The following MARCHF1 variants were observed in gnomAD, a reference collection of about 807,000 sequenced individuals.
MARCHF1 encodes the protein E3 ubiquitin-protein ligase MARCHF1.
A neutral mutation model predicts 54.2 loss-of-function variants in MARCHF1; 40 were observed. That is an observed-to-expected ratio of 0.74 (90% CI 0.57 to 0.96). The LOEUF is 0.96. MARCHF1 is among the 40% of genes least tolerant of loss of function. The pLI, the probability that MARCHF1 is intolerant of heterozygous loss-of-function variation, is 0.00. For missense variants in MARCHF1, 586 were observed against 656.5 expected (o/e 0.89, Z 1.17); for synonymous variants, 236 against 236.3 (o/e 1.00, Z 0.01).
chr4:163,650,497 A>C (rs183422492), intron 5 of MARCHF1, among the ~76,000 whole-genome samples: 13 of 151,992 alleles, frequency 8.6e-5, no homozygotes, highest in South Asian at 6.2e-4. Context: ...CTGTAAAATA[A>C]AGATAATACT....
At chr4:163,666,754 T>C (rs890405033) in intron 5 of MARCHF1, among the ~76,000 whole-genome samples, 3 of 152,138 alleles carry the variant, frequency 2.0e-5, no homozygotes, top group Non-Finnish European at 4.4e-5. Context: ...GGTTCTGCTT[T>C]ATACTTCCTG....
intron 2 of MARCHF1, among the ~76,000 whole-genome samples, chr4:164,029,086 CGCTT>C (rs1273726147): frequency 6.6e-6 from 1 of 152,122 alleles, no homozygotes; most frequent in Admixed American, 6.6e-5. Context: ...AGAAATATCA[CGCTT>C]GCAAATTCCA....
intron 5 of MARCHF1, among the ~76,000 whole-genome samples, chr4:163,634,526 G>C (rs372150606): frequency 2.0e-4 from 30 of 151,188 alleles, no homozygotes; most frequent in Middle Eastern, 3.4e-3. Context: ...GTAAAGGGAT[G>C]AATTCAACAA....
intron 1 of MARCHF1, among the ~76,000 whole-genome samples, chr4:164,257,223 T>C (rs1325254353): frequency 6.6e-6 from 1 of 152,164 alleles, no homozygotes; most frequent in African/African-American, 2.4e-5. Context: ...AAGGTGCCTA[T>C]TCAGAATGTA....
intron 1 of MARCHF1, among the ~76,000 whole-genome samples, chr4:164,382,300 A>C (rs762671152): frequency 1.2e-4 from 19 of 152,196 alleles, no homozygotes; most frequent in Non-Finnish European, 2.5e-4. Flanking sequence ...GCTTCATTAG[A>C]ATCATCTATC....
chr4:163,656,982 T>C (rs1442044108), intron 5 of MARCHF1, among the ~76,000 whole-genome samples: 6 of 152,058 alleles, frequency 3.9e-5, no homozygotes, highest in Non-Finnish European at 5.9e-5. Flanking sequence ...AGCATTCCAT[T>C]TGAAAATTGG....
intron 5 of MARCHF1, among the ~76,000 whole-genome samples, chr4:163,694,212 C>T (rs970263850): frequency 3.3e-5 from 5 of 151,340 alleles, no homozygotes; most frequent in Admixed American, 6.6e-5. Context: ...AAAGGATGGA[C>T]GACAGCAGGT....
chr4:164,143,781 C>T (rs1417085175), intron 1 of MARCHF1, among the ~76,000 whole-genome samples: 2 of 152,098 alleles, frequency 1.3e-5, no homozygotes, highest in African/African-American at 4.8e-5. Flanking sequence ...GCAAAATAAC[C>T]AGCTAACATC....
chr4:163,875,876 C>G (rs1212490025), intron 3 of MARCHF1, among the ~76,000 whole-genome samples: 1 of 152,028 alleles, frequency 6.6e-6, no homozygotes, highest in East Asian at 1.9e-4. Context: ...TTTAGCAAAC[C>G]TTGGAAGGCT....
intron 5 of MARCHF1, among the ~76,000 whole-genome samples, chr4:163,657,610 C>G (rs531437085): frequency 6.6e-6 from 1 of 152,128 alleles, no homozygotes; most frequent in Non-Finnish European, 1.5e-5. Flanking sequence ...CAAGACAATC[C>G]TAGGCAAAAA....
At position 163,591,799 on chromosome 4, in the gene MARCHF1, C is replaced by T. The variant is rs765014329; in HGVS notation, c.1011-5870G>A. On this transcript the variant is annotated intron_variant, in intron 7 of 9. Transcript: ENST00000514618. ...TGAGAAATTGTGATCCTTTTATATA[C>T]CATGAACTCTTTAATTTGCATTTGA... Among the ~76,000 whole-genome samples the T allele has an allele frequency of 1.8e-4, 28 of 152,058 alleles. 1 individual carries two copies. Among genetic ancestry groups the T allele is most frequent in the Non-Finnish European group, 4.0e-4 (27 of 68,000 alleles).
intron 2 of MARCHF1, among the ~76,000 whole-genome samples, chr4:164,058,131 G>A (rs1374816792): frequency 6.6e-6 from 1 of 152,092 alleles, no homozygotes; most frequent in Non-Finnish European, 1.5e-5. Context: ...AGGAGTTGGG[G>A]GCTAGGGGAG....
intron 4 of MARCHF1, among the ~76,000 whole-genome samples, chr4:163,749,012 G>A (rs1412730176): frequency 6.6e-6 from 1 of 152,018 alleles, no homozygotes; most frequent in Non-Finnish European, 1.5e-5. Flanking sequence ...AACAGGTGTT[G>A]GTAATATTCC....
At chr4:163,790,644 A>G (rs1747750139) in intron 4 of MARCHF1, among the ~76,000 whole-genome samples, 1 of 152,152 alleles carries the variant, frequency 6.6e-6, no homozygotes, top group Non-Finnish European at 1.5e-5. Flanking sequence ...TTGACTTTGT[A>G]TCTGCAGTAT....
At chr4:163,661,373 T>G (rs1743337666) in intron 5 of MARCHF1, among the ~76,000 whole-genome samples, 1 of 152,032 alleles carries the variant, frequency 6.6e-6, no homozygotes, top group African/African-American at 2.4e-5. Context: ...CCTTCTGTTC[T>G]TCTGTGATCT....
chr4:163,678,054 C>A (rs540210912), intron 5 of MARCHF1, among the ~76,000 whole-genome samples: 1 of 152,286 alleles, frequency 6.6e-6, no homozygotes, highest in East Asian at 1.9e-4. Context: ...AGATTGTGTT[C>A]TGGACTCTTC....
intron 1 of MARCHF1, among the ~76,000 whole-genome samples, chr4:164,382,202 A>G (rs1476927232): frequency 2.0e-5 from 3 of 152,168 alleles, no homozygotes; most frequent in African/African-American, 7.2e-5. Flanking sequence ...TATTCCAATA[A>G]TTTTCTATCA....
intron 3 of MARCHF1, among the ~76,000 whole-genome samples, chr4:163,946,444 A>C (rs1421877271): frequency 1.3e-5 from 2 of 152,112 alleles, no homozygotes; most frequent in African/African-American, 4.8e-5. Context: ...TTTAAAAATA[A>C]ATTTTATACC....
At chr4:163,703,658 G>A (rs1744870902) in intron 4 of MARCHF1, among the ~76,000 whole-genome samples, 1 of 152,084 alleles carries the variant, frequency 6.6e-6, no homozygotes, top group African/African-American at 2.4e-5. Context: ...TAACAAGTCT[G>A]CGTGGAATGG....
Sources: gnomAD v4.1 joint callset for allele counts (sites outside exome capture counted in the v4.1 genomes callset) on GRCh38, gnomAD v4.1.1 for gene constraint, MANE v1.5 for transcripts, NCBI Gene and HGNC (gene_info 2026-07-23, HGNC 2026-07-21) for gene names.